The following ADGRL2 variants were observed in gnomAD, a reference collection of about 807,000 sequenced individuals.
ADGRL2 encodes the protein calcium-independent alpha-latrotoxin receptor 2.
ADGRL2 carries 44 observed loss-of-function variants against 157.4 expected under a neutral mutation model. The ratio of observed to expected loss-of-function variants is 0.28; its 90% confidence interval spans 0.22 to 0.36. The LOEUF is 0.36. ADGRL2 is among the 10% of genes least tolerant of loss of function. The pLI is 1.00. For synonymous variants in ADGRL2, 585 were observed against 624.7 expected (o/e 0.94, Z 0.95); for missense variants, 1,510 against 1,768.9 (o/e 0.85, Z 2.63).
In ADGRL2 at chr1:81,990,878, T is replaced by G; in HGVS notation, c.4143T>G (p.Leu1381=). 1 of 1,614,062 alleles carries G rather than the reference T, an allele frequency of 6.2e-7. No individual in the cohort carries two copies. Among genetic ancestry groups the G allele is most frequent in the Non-Finnish European group, 8.5e-7 (1 of 1,180,006 alleles). The part of the protein sequence containing the change: ...DHLQSPNRDS[L]YTSMPNLRDS... ...TACAGTCCCCCAACAGAGACTCTCT[T>G]TATACAAGCATGCCCAATCTTAGAG... The change falls in exon 24 of 24, where the codon CTT becomes CTG. Residue 1381 remains leucine, a synonymous_variant. Transcript: ENST00000686636.
chr1:81,374,527 G>C (rs181715173), intron 1 of ADGRL2, among the ~76,000 whole-genome samples: 1 of 144,108 alleles, frequency 6.9e-6, no homozygotes, highest in South Asian at 2.2e-4. Context: ...AGCTGAGATC[G>C]TGCCACTGCA....
At chr1:81,335,386 C>T (rs1406834676) in intron 1 of ADGRL2, among the ~76,000 whole-genome samples, 1 of 152,058 alleles carries the variant, frequency 6.6e-6, no homozygotes, top group Non-Finnish European at 1.5e-5. Flanking sequence ...ATTTCTGACT[C>T]GGTCCAGTGT....
intron 3 of ADGRL2, chr1:81,585,899 A>T (rs1191688789): frequency 1.3e-5 from 2 of 152,088 alleles, no homozygotes; most frequent in Admixed American, 6.6e-5. Context: ...ACACACAAAC[A>T]CATTTAAGGA....
chr1:81,454,081 CAG>C (rs776591291), intron 2 of ADGRL2, among the ~76,000 whole-genome samples: 1 of 151,924 alleles, frequency 6.6e-6, no homozygotes, highest in Non-Finnish European at 1.5e-5. Flanking sequence ...GGATTACTGA[CAG>C]AGAAAGTTTT....
intron 2 of ADGRL2, among the ~76,000 whole-genome samples, chr1:81,546,743 C>A (rs2080026869): frequency 6.6e-6 from 1 of 152,184 alleles, no homozygotes; most frequent in Non-Finnish European, 1.5e-5. Context: ...TCCGGCCTCT[C>A]CACCTGGATT....
Position 81,990,432 on chromosome 1 carries a change from A to C in ADGRL2, c.3697A>C (p.Thr1233Pro). 6.2e-7 allele frequency: 1 copy of C among 1,614,048 alleles called. No homozygotes were observed. The highest frequency in any genetic ancestry group is 1.3e-5 in the African/African-American group (1 of 75,042). ...TGCCAGGGATACAAGTGCCATGGAT[A>C]CTCTACCGCTAAATGGTAATTTTAA... ...NNARDTSAMD[T>P]LPLNGNFNNS... The change falls in exon 24 of 24, where the codon ACT becomes CCT. Residue 1233 changes from threonine to proline, a missense_variant. By Grantham distance (38) the Thr-to-Pro change is conservative. Around this residue, in one of 4 missense-constraint regions of ADGRL2, gnomAD observed 327 missense variants for 310.1 expected, o/e 1.05. Transcript: ENST00000686636.
At chr1:81,407,038 C>T (rs972577164) in intron 1 of ADGRL2, among the ~76,000 whole-genome samples, 6 of 152,150 alleles carry the variant, frequency 3.9e-5, no homozygotes, top group African/African-American at 1.4e-4. Context: ...CGTCTGGTGT[C>T]TCTGGAAGAA....
intron 2 of ADGRL2, among the ~76,000 whole-genome samples, chr1:81,783,576 A>G (rs189970566): frequency 6.6e-6 from 1 of 152,314 alleles, no homozygotes; most frequent in Non-Finnish European, 1.5e-5. Flanking sequence ...AACTCTATAA[A>G]CATAACTAAG....
At chr1:81,758,051 CT>C (rs1463390373) in intron 1 of ADGRL2, among the ~76,000 whole-genome samples, 1 of 152,176 alleles carries the variant, frequency 6.6e-6, no homozygotes, top group African/African-American at 2.4e-5. Flanking sequence ...TCAGCAATTA[CT>C]TTATATTTAT....
At chr1:81,532,436 A>G (rs2079622611) in intron 2 of ADGRL2, among the ~76,000 whole-genome samples, 1 of 152,126 alleles carries the variant, frequency 6.6e-6, no homozygotes, top group Non-Finnish European at 1.5e-5. Flanking sequence ...TTCTCTCAGT[A>G]TCTGCTGAGT....
chr1:81,708,404 TTG>T (rs1166248550), intron 1 of ADGRL2, among the ~76,000 whole-genome samples: 1 of 152,204 alleles, frequency 6.6e-6, no homozygotes, highest in African/African-American at 2.4e-5. Context: ...TAAAGCAATA[TTG>T]TTTCCATTAT....
chr1:81,326,342 T>A (rs930003688), intron 1 of ADGRL2, among the ~76,000 whole-genome samples: 1 of 152,218 alleles, frequency 6.6e-6, no homozygotes, highest in Non-Finnish European at 1.5e-5. Context: ...CTAGAGCTCT[T>A]TAATAAGACC....
chr1:81,839,955 A>ATATATATATATAATATAT (rs1164786609), intron 2 of ADGRL2, among the ~76,000 whole-genome samples: 6 of 110,074 alleles, frequency 5.5e-5, no homozygotes, highest in South Asian at 2.9e-4. Context: ...TATATATATA[A>ATATATATATATAATATAT]ATACACACAA....
intron 2 of ADGRL2, among the ~76,000 whole-genome samples, chr1:81,567,637 G>A (rs1370693124): frequency 6.6e-6 from 1 of 152,094 alleles, no homozygotes; most frequent in African/African-American, 2.4e-5. Context: ...TAGGTTCAAT[G>A]AAGCACTAAA....
intron 2 of ADGRL2, among the ~76,000 whole-genome samples, chr1:81,514,272 C>G (rs191511261): frequency 1.9e-4 from 29 of 151,984 alleles, no homozygotes; most frequent in African/African-American, 5.6e-4. Context: ...TTGGAGGTGC[C>G]TTGGGGGAAG....
intron 8 of ADGRL2, 46 bp downstream of exon 8, chr1:81,951,167 T>A: frequency 8.2e-7 from 1 of 1,213,074 alleles, no homozygotes; most frequent in Non-Finnish European, 1.2e-6. Context: ...TTTAGGGCAT[T>A]AACTTCTAAC....
At chr1:81,352,720 G>A (rs1662992525) in intron 1 of ADGRL2, among the ~76,000 whole-genome samples, 1 of 152,130 alleles carries the variant, frequency 6.6e-6, no homozygotes, top group Admixed American at 6.6e-5. Context: ...TTAGTTCACA[G>A]CCATTCTTTT....
At chr1:81,536,179 T>C (rs1309955775) in intron 2 of ADGRL2, among the ~76,000 whole-genome samples, 1 of 152,206 alleles carries the variant, frequency 6.6e-6, no homozygotes, top group Admixed American at 6.5e-5. Flanking sequence ...CATCCAAACA[T>C]TTGTTGTTTC....
intron 1 of ADGRL2, among the ~76,000 whole-genome samples, chr1:81,322,948 C>T (rs1158617437): frequency 6.6e-6 from 1 of 151,292 alleles, no homozygotes; most frequent in Non-Finnish European, 1.5e-5. Context: ...ACCTCCCACT[C>T]TTTGGTTCAA....
Sources: gnomAD v4.1 joint callset for allele counts (sites outside exome capture counted in the v4.1 genomes callset) on GRCh38, gnomAD v4.1.1 for gene constraint, gnomAD v4.1.1 regional missense constraint, MANE v1.5 for transcripts, NCBI Gene and HGNC (gene_info 2026-07-23, HGNC 2026-07-21) for gene names.